The following PSMA1 variants were observed in gnomAD, a reference collection of about 807,000 sequenced individuals.
The protein encoded by PSMA1 is proteasome 20S subunit alpha 1, also known as proteasome subunit alpha type-1.
A neutral mutation model predicts 38.4 loss-of-function variants in PSMA1; 3 were observed. The observed-to-expected ratio is 0.08, with a 90% CI of 0.04 to 0.20. The LOEUF (loss-of-function observed/expected upper bound fraction) is 0.20. PSMA1 is among the 10% of genes least tolerant of loss of function. The probability of loss-of-function intolerance (pLI) is 1.00; values close to 1 mark genes in which losing one functional copy is unlikely to be tolerated. For missense variants in PSMA1, 227 were observed against 325.3 expected, an observed-to-expected ratio of 0.70 and a Z score of 2.32; for synonymous variants, 101 against 107.1, an observed-to-expected ratio of 0.94 and a Z score of 0.35.
chr11:14,518,027 ATAAAT>A, intron 2 of PSMA1, 46 bp from the exon 3 acceptor site: 1 of 1,372,860 alleles, frequency 7.3e-7, no homozygotes, highest in Non-Finnish European at 1.0e-6. Flanking sequence ...AAGATCTTTT[ATAAAT>A]TAAAAATTAG....
intron 1 of PSMA1, among the ~76,000 whole-genome samples, chr11:14,632,658 TC>T (rs1269550608): frequency 3.8e-4 from 56 of 148,920 alleles, no homozygotes; most frequent in Middle Eastern, 6.8e-3. Flanking sequence ...GAGTTGCTCT[TC>T]TCGAGGAGTA....
At chr11:14,566,967 C>T (rs1022268281) in intron 2 of PSMA1, among the ~76,000 whole-genome samples, 20 of 152,178 alleles carry the variant, frequency 1.3e-4, no homozygotes, top group African/African-American at 4.8e-4. Context: ...GCAAAAACGA[C>T]AGGTGTGCAC....
chr11:14,569,553 G>C (rs997253645), intron 2 of PSMA1, among the ~76,000 whole-genome samples: 6 of 152,226 alleles, frequency 3.9e-5, no homozygotes, highest in Admixed American at 3.3e-4. Flanking sequence ...TGGCACACCA[G>C]AGATTATATC....
chr11:14,556,731 G>T (rs557199006), intron 2 of PSMA1, among the ~76,000 whole-genome samples: 1 of 152,256 alleles, frequency 6.6e-6, no homozygotes, highest in Admixed American at 6.5e-5. Flanking sequence ...TTTCTATAGG[G>T]TGTGAAGTTT....
At chr11:14,622,187 A>G (rs948092512) in intron 1 of PSMA1, among the ~76,000 whole-genome samples, 5 of 152,236 alleles carry the variant, frequency 3.3e-5, no homozygotes, top group Non-Finnish European at 7.3e-5. Flanking sequence ...TGTGTGATTA[A>G]TAGAACAGAT....
chr11:14,524,801 C>A (rs1228136792), upstream of PSMA1, among the ~76,000 whole-genome samples: 1 of 152,170 alleles, frequency 6.6e-6, no homozygotes, highest in African/African-American at 2.4e-5. Flanking sequence ...CTCAGACCAA[C>A]CAGCCCAAGG....
At chr11:14,529,034 G>T (rs575999872) in intron 2 of PSMA1, among the ~76,000 whole-genome samples, 1 of 151,238 alleles carries the variant, frequency 6.6e-6, no homozygotes, top group East Asian at 1.9e-4. Context: ...AGCCTGTTTG[G>T]TGTTCTCTTC....
At chr11:14,609,348 A>G (rs1376412558) in intron 2 of PSMA1, among the ~76,000 whole-genome samples, 1 of 152,234 alleles carries the variant, frequency 6.6e-6, no homozygotes, top group Non-Finnish European at 1.5e-5. Flanking sequence ...TAATTACTGA[A>G]TACCTACTAT....
upstream of PSMA1, among the ~76,000 whole-genome samples, chr11:14,523,260 A>AAACAAC (rs564498790): frequency 6.8e-4 from 103 of 152,108 alleles, no homozygotes; most frequent in Non-Finnish European, 1.3e-3. Flanking sequence ...ACATCGTTAA[A>AAACAAC]AACAACAACA....
rs1223840268 is a variant in PSMA1 at position 14,629,018 on chromosome 11, G to A, written c.-166+14437C>T. ...CGCCCACTTGTTGATGGGGTTGTTTGTTTTTTTCTTGTAAATTTGTTTGAG... is the reference window on the plus strand; with the variant it reads ...CGCCCACTTGTTGATGGGGTTGTTTATTTTTTTCTTGTAAATTTGTTTGAG... On this transcript the variant is annotated intron_variant, in intron 1 of 10. Coordinates refer to the PSMA1 transcript ENST00000418988. Among the ~76,000 whole-genome samples, 16 of 150,988 alleles carry A rather than the reference G, an allele frequency of 1.1e-4. No homozygotes were observed. The East Asian group carries it at 3.1e-3, about 29-fold the overall frequency.
chr11:14,535,432 T>TTTTC (rs1010546290), intron 2 of PSMA1, among the ~76,000 whole-genome samples: 1 of 151,700 alleles, frequency 6.6e-6, no homozygotes, highest in South Asian at 2.1e-4. Context: ...GAAAATTTCT[T>TTTTC]TTTCTTTCTT....
intron 2 of PSMA1, among the ~76,000 whole-genome samples, chr11:14,592,487 G>A (rs1445262022): frequency 6.6e-6 from 1 of 151,688 alleles, no homozygotes; most frequent in African/African-American, 2.4e-5. Context: ...CTGGTTTCAC[G>A]CCATTCTCCT....
At chr11:14,514,156 C>G (rs1851389682) in intron 5 of PSMA1, 1 of 1,338,898 alleles carries the variant, frequency 7.5e-7, no homozygotes, top group Non-Finnish European at 9.6e-7. Context: ...CTTGGGACAT[C>G]TAGAACCATT....
chr11:14,636,255 C>T (rs1853111953), intron 1 of PSMA1, among the ~76,000 whole-genome samples: 1 of 152,134 alleles, frequency 6.6e-6, no homozygotes, highest in Non-Finnish European at 1.5e-5. Context: ...GACAATGAAA[C>T]TTGTCATTGT....
At chr11:14,617,702 T>TGG (rs934384743) in intron 1 of PSMA1, among the ~76,000 whole-genome samples, 11 of 150,898 alleles carry the variant, frequency 7.3e-5, no homozygotes, top group Non-Finnish European at 1.6e-4. Flanking sequence ...TATATATGTG[T>TGG]GTGTGTGTGT....
chr11:14,574,572 GA>G (rs1449301816), intron 2 of PSMA1, among the ~76,000 whole-genome samples: 1 of 152,164 alleles, frequency 6.6e-6, no homozygotes, highest in African/African-American at 2.4e-5. Flanking sequence ...TGTGTTGTGG[GA>G]GAGACCCAGT....
intron 4 of PSMA1, among the ~76,000 whole-genome samples, chr11:14,516,633 A>G (rs535799941): frequency 3.3e-5 from 5 of 152,256 alleles, no homozygotes; most frequent in African/African-American, 1.2e-4. Flanking sequence ...AATTTAAAAT[A>G]TTTAAAAATA....
intron 2 of PSMA1, among the ~76,000 whole-genome samples, chr11:14,549,810 T>G (rs943326408): frequency 6.6e-6 from 1 of 152,002 alleles, no homozygotes; most frequent in Non-Finnish European, 1.5e-5. Flanking sequence ...TGTCACACAG[T>G]GTGCTCAAGG....
chr11:14,529,806 CT>C (rs1851626523), intron 2 of PSMA1, among the ~76,000 whole-genome samples: 1 of 152,174 alleles, frequency 6.6e-6, no homozygotes. Context: ...ACACTCCCAG[CT>C]TTTTTTCTGT....
Sources: allele counts gnomAD v4.1 joint callset (sites outside exome capture counted in the v4.1 genomes callset), GRCh38; gene constraint gnomAD v4.1.1; transcripts MANE v1.5; gene names NCBI Gene and HGNC (gene_info 2026-07-23, HGNC 2026-07-21).